The following LATS2 variants were observed in gnomAD, a reference collection of about 807,000 sequenced individuals.
The protein encoded by LATS2 is large tumor suppressor kinase 2, also known as serine/threonine-protein kinase LATS2.
In LATS2, 24 loss-of-function variants were observed where a neutral mutation model predicts 76.0. The observed-to-expected ratio is 0.32, with a 90% CI of 0.23 to 0.44. The LOEUF (loss-of-function observed/expected upper bound fraction) is 0.44. Among genes scored for constraint, LATS2 ranks in the 20% least tolerant of loss-of-function variants. The pLI, the probability that LATS2 is intolerant of heterozygous loss-of-function variation, is 1.00. For synonymous variants in LATS2, 692 were observed against 635.4 expected, an observed-to-expected ratio of 1.09 and a Z score of -1.34; for missense variants, 1,286 against 1,481.2, an observed-to-expected ratio of 0.87 and a Z score of 2.16.
At chr13:21,006,152 A>T (rs914296185) in intron 2 of LATS2, among the ~76,000 whole-genome samples, 4 of 151,974 alleles carry the variant, frequency 2.6e-5, no homozygotes. Context: ...AAAAAGAAAG[A>T]AAGAAAAGGA....
At chr13:21,052,516 A>T (rs1873306813) in intron 1 of LATS2, among the ~76,000 whole-genome samples, 1 of 151,930 alleles carries the variant, frequency 6.6e-6, no homozygotes, top group African/African-American at 2.4e-5. Flanking sequence ...ACACTCGGTT[A>T]ATTTTTGTAT....
rs1456553724 is a variant in LATS2, at chr13:20,979,968, G to A, written c.2666-171C>T. Among the ~76,000 whole-genome samples the A allele has an allele frequency of 2.6e-5, 4 of 152,188 alleles. 1 individual carries two copies. The highest frequency in any genetic ancestry group is 2.0e-4 in the Admixed American group (3 of 15,280). ...GTACCTGGATACTACTGGGTGGGGT[G>A]GTGGGGGGCGGTGGCCATGGCCGCT... On this transcript the variant is annotated intron_variant, in intron 6 of 7. Transcript: ENST00000382592.
intron 7 of LATS2, among the ~76,000 whole-genome samples, chr13:20,977,247 T>C (rs548817588): frequency 2.6e-5 from 4 of 151,792 alleles, no homozygotes; most frequent in Non-Finnish European, 5.9e-5. Flanking sequence ...AATACAAAAA[T>C]TAGCTGGTGT....
chr13:21,028,143 T>C (rs990801641), intron 2 of LATS2, among the ~76,000 whole-genome samples: 3 of 152,238 alleles, frequency 2.0e-5, no homozygotes, highest in South Asian at 2.1e-4. Flanking sequence ...TGTGTTCTCA[T>C]TGTTCAATTC....
intron 2 of LATS2, among the ~76,000 whole-genome samples, chr13:21,009,491 G>A (rs917653493): frequency 6.6e-6 from 1 of 151,994 alleles, no homozygotes; most frequent in South Asian, 2.1e-4. Context: ...TTATCCTAAG[G>A]GTAAGCTAAA....
At chr13:21,039,849 G>A (rs1872805690) in intron 2 of LATS2, among the ~76,000 whole-genome samples, 1 of 152,192 alleles carries the variant, frequency 6.6e-6, no homozygotes, top group Non-Finnish European at 1.5e-5. Flanking sequence ...GAGGGTGAGT[G>A]GATCCCCTGA....
intron 2 of LATS2, among the ~76,000 whole-genome samples, chr13:21,043,133 T>C (rs1374077080): frequency 1.3e-5 from 2 of 151,494 alleles, no homozygotes; most frequent in African/African-American, 4.9e-5. Flanking sequence ...AGGTCAGGAG[T>C]TTGAGACCAG....
At chr13:21,049,511 T>C (rs1873187277) in intron 1 of LATS2, among the ~76,000 whole-genome samples, 1 of 152,118 alleles carries the variant, frequency 6.6e-6, no homozygotes, top group Admixed American at 6.5e-5. Flanking sequence ...ACCAGGTGAG[T>C]GGATGGCTGA....
intron 2 of LATS2, among the ~76,000 whole-genome samples, chr13:21,044,725 TGTGTG>T: frequency 7.3e-6 from 1 of 137,294 alleles, no homozygotes; most frequent in Non-Finnish European, 1.7e-5. Context: ...TGTGTGTGTG[TGTGTG>T]TGTGTGTGTT....
chr13:20,974,773 AC>A lies in LATS2; in HGVS notation c.*96del, dbSNP rs1464462917. 7.4e-7 allele frequency: 1 copy of A among 1,352,232 alleles called. No individual in the cohort carries two copies. Among genetic ancestry groups the A allele is most frequent in the Non-Finnish European group, 1.0e-6 (1 of 994,620 alleles). 83.8% of individuals were successfully genotyped at this position (1,352,232 alleles called of 1,614,324 possible). Reference sequence around the variant, plus strand: ...GAAGTAATCGACGGACTAATTTAAAACAAAACAGCCCTCGGCTTCCCTATTG... The same window carrying A: ...GAAGTAATCGACGGACTAATTTAAAAAAAACAGCCCTCGGCTTCCCTATTG... On this transcript the variant is annotated 3_prime_UTR_variant, in exon 8 of 8. Transcript: ENST00000382592.
intron 5 of LATS2, among the ~76,000 whole-genome samples, chr13:20,982,764 G>A (rs1319820040): frequency 6.6e-6 from 1 of 151,422 alleles, no homozygotes; most frequent in Non-Finnish European, 1.5e-5. Flanking sequence ...GGCGGAGGCA[G>A]GCGGATCACC....
rs954669991 is a variant in LATS2, at chr13:20,974,403, G to A, written c.*467C>T. On this transcript the variant is annotated 3_prime_UTR_variant, in exon 8 of 8. Coordinates refer to ENST00000382592, the MANE Select transcript of LATS2 (RefSeq NM_014572.3). Reference sequence around the variant, plus strand: ...ATTGTGTGGATAAAATGGTCTCCGTGACATTGAGCAGAGTGTTATCTTTTT... The same window carrying A: ...ATTGTGTGGATAAAATGGTCTCCGTAACATTGAGCAGAGTGTTATCTTTTT... The A allele has an allele frequency of 1.2e-4, 28 of 226,076 alleles. No homozygotes were observed. Among genetic ancestry groups the A allele is most frequent in the Non-Finnish European group, 2.1e-4 (24 of 115,024 alleles). The allele number at this position is 226,076 out of a possible 1,614,324, so 14.0% of individuals were successfully genotyped here.
rs768093071 is a variant in LATS2 at position 20,988,344 on chromosome 13, G to A, written c.1436C>T (p.Pro479Leu). Residue 479 changes from proline (P) to leucine (L), a missense_variant, in exon 4 of 8, where the codon CCG (proline) becomes CTG (leucine). Pro to Leu is a moderately conservative substitution (Grantham distance 98). Coordinates refer to ENST00000382592, the MANE Select transcript of LATS2 (RefSeq NM_014572.3). Reference protein sequence around the residue: ...PAPAPAPAPAPAAEGLDAKEE... With the variant: ...PAPAPAPAPALAAEGLDAKEE... Reference sequence around the variant, plus strand: ...CTTGGCGTCCAAGCCCTCCGCAGCCGGGGCGGGGGCGGGGGCGGGGGCCGG... The same window carrying A: ...CTTGGCGTCCAAGCCCTCCGCAGCCAGGGCGGGGGCGGGGGCGGGGGCCGG... The A allele has an allele frequency of 9.5e-5, 118 of 1,243,628 alleles. No homozygotes were observed. Among genetic ancestry groups the A allele is most frequent in the Non-Finnish European group, 1.1e-4 (114 of 1,002,094 alleles). 77.0% of individuals were successfully genotyped at this position (1,243,628 alleles called of 1,614,324 possible). A position where few individuals can be genotyped will look rare whatever the true frequency, so the allele number is the denominator to read the frequency against.
At chr13:20,978,666 C>A (rs946674266) in intron 7 of LATS2, among the ~76,000 whole-genome samples, 4 of 152,168 alleles carry the variant, frequency 2.6e-5, no homozygotes, top group African/African-American at 9.7e-5. Context: ...CCAATGCCTC[C>A]CCTTCCTCAG....
Position 20,974,806 on chromosome 13 carries a change from G to A in LATS2, c.*64C>T, listed in dbSNP as rs1363660418. 3 of 1,523,784 alleles carry A rather than the reference G, an allele frequency of 2.0e-6. No homozygotes were observed. Among genetic ancestry groups the A allele is most frequent in the Non-Finnish European group, 2.6e-6 (3 of 1,135,082 alleles). 94.4% of individuals were successfully genotyped at this position (1,523,784 alleles called of 1,614,324 possible). On this transcript the variant is annotated 3_prime_UTR_variant, in exon 8 of 8. Coordinates refer to ENST00000382592, the MANE Select transcript of LATS2 (RefSeq NM_014572.3). ...GCCCTCGGCTTCCCTATTGGCCTGT[G>A]AGGGCACCGGCTCCGGGACCCTGAC...
rs534668312 is a variant in LATS2, at chr13:21,009,979, T to C, written c.343-18575A>G. ...CTTTGGGAGGGCGAGGTGGACAGAC[T>C]GCCTGAGGTCAGGTGTTCGAGACCA... On this transcript the variant is annotated intron_variant, in intron 2 of 7. Transcript: ENST00000382592. Among the ~76,000 whole-genome samples, 208 of 152,186 alleles carry C rather than the reference T, an allele frequency of 1.4e-3. 1 individual carries two copies. Among genetic ancestry groups the C allele is most frequent in the African/African-American group, 4.5e-3 (187 of 41,534 alleles).
intron 2 of LATS2, among the ~76,000 whole-genome samples, chr13:21,001,376 G>C (rs932824664): frequency 2.0e-5 from 3 of 152,184 alleles, no homozygotes; most frequent in Non-Finnish European, 4.4e-5. Context: ...ATCCCTGTAT[G>C]TACGGGCTGC....
intron 3 of LATS2, among the ~76,000 whole-genome samples, chr13:20,990,801 G>A (rs771708949): frequency 9.9e-5 from 15 of 152,108 alleles, no homozygotes; most frequent in South Asian, 2.1e-4. Context: ...TGCTGAGGGG[G>A]GCCCAGCGCT....
chr13:21,017,390 G>C (rs990471049), intron 2 of LATS2, among the ~76,000 whole-genome samples: 1 of 151,878 alleles, frequency 6.6e-6, no homozygotes, highest in African/African-American at 2.4e-5. Context: ...ACCCAGGCTG[G>C]TCTCAAACTC....
Sources: allele counts gnomAD v4.1 joint callset (sites outside exome capture counted in the v4.1 genomes callset), GRCh38; gene constraint gnomAD v4.1.1; transcripts MANE v1.5; gene names NCBI Gene and HGNC (gene_info 2026-07-23, HGNC 2026-07-21).